WDR37: variants seen among roughly 807,000 people sequenced by gnomAD.
WDR37 encodes the protein WD repeat domain 37.
Under a neutral mutation model 62.9 loss-of-function variants are expected in WDR37, and 19 were observed. That is an observed-to-expected ratio of 0.30 (90% CI 0.21 to 0.44). The LOEUF (loss-of-function observed/expected upper bound fraction) is 0.44, where lower values mean the gene tolerates loss of function less well. Ranked by LOEUF, WDR37 falls within the 20% of genes least tolerant of loss-of-function variation. The pLI, the probability that WDR37 is intolerant of heterozygous loss-of-function variation, is 1.00. For synonymous variants in WDR37, 250 were observed against 260.9 expected (o/e 0.96, Z 0.40); for missense variants, 474 against 657.6 (o/e 0.72, Z 3.05).
Position 1,125,462 on chromosome 10 carries a change from C to T in WDR37, c.1353+438C>T, listed in dbSNP as rs569567850. On this transcript the variant is annotated intron_variant, in intron 13 of 13. Coordinates refer to ENST00000263150, the MANE Select transcript of WDR37 (RefSeq NM_014023.4). ...TGACCTCAGGTGATCTGCCCTCCTC[C>T]GCCTCCCAAAGTGCTAGGATTACAG... Among the ~76,000 whole-genome samples, 12 of 152,266 alleles carry T rather than the reference C, an allele frequency of 7.9e-5. No individual in the cohort carries two copies. In the East Asian group the frequency reaches 1.2e-3, roughly 15 times the overall value.
intron 2 of WDR37, among the ~76,000 whole-genome samples, chr10:1,072,496 T>C (rs1833760198): frequency 6.6e-6 from 1 of 152,172 alleles, no homozygotes; most frequent in African/African-American, 2.4e-5. Context: ...GTATTTTTAG[T>C]AGAGACAGGG....
chr10:1,067,103 G>T (rs545831557), intron 1 of WDR37, among the ~76,000 whole-genome samples: 1 of 151,970 alleles, frequency 6.6e-6, no homozygotes, highest in African/African-American at 2.4e-5. Context: ...TATGTAGATC[G>T]GTGGAACAGA....
intron 1 of WDR37, among the ~76,000 whole-genome samples, chr10:1,060,310 C>T (rs546101594): frequency 2.9e-4 from 44 of 152,144 alleles, no homozygotes; most frequent in African/African-American, 5.6e-4. Context: ...GGGTGTATTA[C>T]GTACACGGCA....
chr10:1,109,383 G>T (rs1350731850), intron 11 of WDR37, among the ~76,000 whole-genome samples: 1 of 152,220 alleles, frequency 6.6e-6, no homozygotes, highest in Non-Finnish European at 1.5e-5. Context: ...CAACCGTGTG[G>T]TCTTGGCCAT....
At chr10:1,081,824 T>C (rs1300100922) in intron 5 of WDR37, among the ~76,000 whole-genome samples, 1 of 152,234 alleles carries the variant, frequency 6.6e-6, no homozygotes, top group Non-Finnish European at 1.5e-5. Flanking sequence ...GTTGTATATA[T>C]ACAATGTATG....
In WDR37 at chr10:1,124,976, T is replaced by A; in HGVS notation, c.1305T>A (p.Phe435Leu). ...LPHDNRQVRL[F>L]DMSGVRLARL... ...ATGACAACCGACAAGTGAGACTGTTTGATATGTCAGGAGTGCGCCTGGCGC... is the reference window on the plus strand; with the variant it reads ...ATGACAACCGACAAGTGAGACTGTTAGATATGTCAGGAGTGCGCCTGGCGC... The change falls in exon 13 of 14, where the codon TTT (phenylalanine) becomes TTA (leucine). Residue 435 changes from phenylalanine to leucine, a missense_variant. Transcript: ENST00000263150. 1 of 1,614,222 alleles carries A rather than the reference T, an allele frequency of 6.2e-7. No individual in the cohort carries two copies. Among genetic ancestry groups the A allele is most frequent in the Non-Finnish European group, 8.5e-7 (1 of 1,180,038 alleles).
rs193131250 is a variant in WDR37, at chr10:1,069,132, G to A, written c.-40-2984G>A. ...TGTACAGTTGATTGTGGTAATGATC[G>A]CACAACTTCCTGAGTATACTGAGAG... On this transcript the variant is annotated intron_variant, in intron 1 of 13. Transcript: ENST00000263150. 2.6e-5 allele frequency among the ~76,000 whole-genome samples: 4 copies of A among 152,092 alleles called. No individual in the cohort carries two copies. The East Asian group carries it at 5.8e-4, about 22-fold the overall frequency.
In WDR37 at chr10:1,130,266, G is replaced by T. The variant is rs1835923501; in HGVS notation, c.*922G>T. On this transcript the variant is annotated 3_prime_UTR_variant, in exon 14 of 14. Coordinates refer to ENST00000263150, the MANE Select transcript of WDR37 (RefSeq NM_014023.4). ...AGCCAACAACACTACCTCAGAGACG[G>T]GTCTTTGGGAAACTTTGGGTCTCAC... 1 of 152,670 alleles carries T rather than the reference G, an allele frequency of 6.6e-6. No homozygotes were observed. The highest frequency in any genetic ancestry group is 2.4e-5 in the African/African-American group (1 of 41,436). 9.5% of individuals were successfully genotyped at this position (152,670 alleles called of 1,614,324 possible). A position where few individuals can be genotyped will look rare whatever the true frequency, so the allele number is the denominator to read the frequency against.
At chr10:1,129,097 T>G in intron 13 of WDR37, 116 bp from the exon 14 acceptor site, 5 of 1,415,308 alleles carry the variant, frequency 3.5e-6, no homozygotes, top group Non-Finnish European at 4.8e-6. Flanking sequence ...CTGCACACCA[T>G]GTTGTTTTCC....
chr10:1,126,219 C>A (rs573402676), intron 13 of WDR37, among the ~76,000 whole-genome samples: 7 of 152,210 alleles, frequency 4.6e-5, no homozygotes, highest in South Asian at 2.1e-4. Context: ...TCCTGACTAA[C>A]ACGGTGAAAC....
At chr10:1,128,954 C>T (rs935521759) in intron 13 of WDR37, among the ~76,000 whole-genome samples, 10 of 148,732 alleles carry the variant, frequency 6.7e-5, no homozygotes, top group African/African-American at 2.0e-4. Context: ...CCGTGCTCGG[C>T]GGTGGTTGGT....
At position 1,097,027 on chromosome 10, in the gene WDR37, A is replaced by C. The variant is rs533492615; in HGVS notation, c.726+781A>C. Among the ~76,000 whole-genome samples, 3 of 152,362 alleles carry C rather than the reference A, an allele frequency of 2.0e-5. No homozygotes were observed. In the East Asian group the frequency reaches 5.8e-4, roughly 29 times the overall value. ...GAACCGGAAGAAAGTGATCCTCATT[A>C]CAAAATGGCTGAGGACTTGGCTGAG... On this transcript the variant is annotated intron_variant, in intron 9 of 13. Transcript: ENST00000263150.
intron 1 of WDR37, among the ~76,000 whole-genome samples, chr10:1,071,488 A>G (rs923729725): frequency 6.6e-6 from 1 of 152,254 alleles, no homozygotes; most frequent in Non-Finnish European, 1.5e-5. Flanking sequence ...GAAAATGCCC[A>G]AAGTGGGTAA....
chr10:1,075,807 AGTCTCGCTCCGTT>A (rs1403094799), intron 2 of WDR37, among the ~76,000 whole-genome samples: 2 of 140,798 alleles, frequency 1.4e-5, no homozygotes, highest in African/African-American at 5.3e-5. Context: ...TTTGAGACGG[AGTCTCGCTCCGTT>A]GTCCAGGCTA....
At chr10:1,088,322 C>G (rs1834268406) in intron 7 of WDR37, among the ~76,000 whole-genome samples, 1 of 152,252 alleles carries the variant, frequency 6.6e-6, no homozygotes, top group Non-Finnish European at 1.5e-5. Context: ...AGCTTTCAGC[C>G]TGTCTCAGCT....
chr10:1,064,646 A>G (rs1833484602), intron 1 of WDR37, among the ~76,000 whole-genome samples: 1 of 119,062 alleles, frequency 8.4e-6, no homozygotes, highest in Non-Finnish European at 1.6e-5. Flanking sequence ...CCCAGGCTGG[A>G]GTGCAGTGGT....
At chr10:1,113,572 C>A (rs938459741) in intron 11 of WDR37, among the ~76,000 whole-genome samples, 1 of 152,202 alleles carries the variant, frequency 6.6e-6, no homozygotes, top group Non-Finnish European at 1.5e-5. Flanking sequence ...GGTCGCCATT[C>A]AGAACACTTG....
At chr10:1,059,376 CA>C (rs1238206639) in intron 1 of WDR37, among the ~76,000 whole-genome samples, 2 of 151,892 alleles carry the variant, frequency 1.3e-5, no homozygotes, top group African/African-American at 4.8e-5. Context: ...GATTCTGTGT[CA>C]AAAAGAAAAG....
chr10:1,072,990 A>C (rs1321157597), intron 2 of WDR37, among the ~76,000 whole-genome samples: 1 of 152,142 alleles, frequency 6.6e-6, no homozygotes, highest in East Asian at 1.9e-4. Flanking sequence ...CAGATCTTTT[A>C]GTGACTTTGC....
Sources: gnomAD v4.1 joint callset for allele counts (sites outside exome capture counted in the v4.1 genomes callset) on GRCh38, gnomAD v4.1.1 for gene constraint, MANE v1.5 for transcripts, NCBI Gene and HGNC (gene_info 2026-07-23, HGNC 2026-07-21) for gene names.